The following REPS2 variants were observed in gnomAD, a reference collection of about 807,000 sequenced individuals.
REPS2 encodes ralBP1-associated Eps domain-containing protein 2.
A neutral mutation model predicts 53.6 loss-of-function variants in REPS2; 23 were observed. The observed-to-expected ratio is 0.43, with a 90% CI of 0.31 to 0.61. The LOEUF is 0.61. REPS2 is among the 20% of genes least tolerant of loss of function. The pLI is 0.11. For missense variants in REPS2, 446 were observed against 534.9 expected (o/e 0.83, Z 1.64); for synonymous variants, 238 against 218.6 (o/e 1.09, Z -0.78).
At chrX:16,961,774 GGAACTCCCA>G (rs1250476741) in intron 1 of REPS2, among the ~76,000 whole-genome samples, 1 of 111,859 alleles carries the variant, frequency 8.9e-6, no homozygotes, top group Non-Finnish European at 1.9e-5. Flanking sequence ...AAATATATAA[GGAACTCCCA>G]GAACTCAATG....
chrX:16,969,437 T>C (rs2060845471), intron 1 of REPS2, among the ~76,000 whole-genome samples: 1 of 109,501 alleles, frequency 9.1e-6, no homozygotes, highest in African/African-American at 3.4e-5. Context: ...CTGGGCACCA[T>C]TGAGCACTGA....
chrX:17,097,486 C>T (rs1300986654), intron 13 of REPS2, among the ~76,000 whole-genome samples: 1 of 111,819 alleles, frequency 8.9e-6, no homozygotes, highest in East Asian at 2.8e-4. Flanking sequence ...TAAATGCTTA[C>T]ATTAGAAAAT....
At chrX:17,124,309 A>T (rs980207870) in intron 14 of REPS2, among the ~76,000 whole-genome samples, 6 of 112,425 alleles carry the variant, frequency 5.3e-5, no homozygotes, top group Admixed American at 4.7e-4. Context: ...CATGCAGCTT[A>T]GGTATCAAGA....
intron 2 of REPS2, among the ~76,000 whole-genome samples, chrX:17,014,659 A>G (rs768845276): frequency 3.6e-5 from 4 of 111,669 alleles, no homozygotes; most frequent in Admixed American, 1.9e-4. Context: ...TTGTTAACGT[A>G]TAAGTAGCTG....
chrX:17,072,391 G>A (rs1347203778), intron 11 of REPS2, among the ~76,000 whole-genome samples: 2 of 111,323 alleles, frequency 1.8e-5, no homozygotes, highest in South Asian at 7.5e-4. Flanking sequence ...TTAGTGTCAT[G>A]GCCAGGAGGA....
At chrX:17,126,552 G>A (rs779295249) in intron 14 of REPS2, among the ~76,000 whole-genome samples, 36 of 112,164 alleles carry the variant, frequency 3.2e-4, no homozygotes, top group African/African-American at 9.4e-4. Context: ...GCAAAGGCAA[G>A]TGACTTCCTT....
chrX:16,954,354 C>T (rs756521333), intron 1 of REPS2, among the ~76,000 whole-genome samples: 13 of 112,199 alleles, frequency 1.2e-4, no homozygotes, highest in Non-Finnish European at 2.1e-4. Flanking sequence ...GGCCCAACAA[C>T]TGTCAATGCA....
At chrX:17,125,009 G>A (rs2063190181) in intron 14 of REPS2, among the ~76,000 whole-genome samples, 2 of 109,299 alleles carry the variant, frequency 1.8e-5, no homozygotes, top group Admixed American at 2.0e-4. Flanking sequence ...GATTACAGGA[G>A]CGTGTCACTA....
At chrX:17,128,809 T>C (rs1040981933) in intron 14 of REPS2, among the ~76,000 whole-genome samples, 3 of 112,241 alleles carry the variant, frequency 2.7e-5, no homozygotes, top group African/African-American at 9.7e-5. Flanking sequence ...AGGATTTTCA[T>C]TGCAAAATTA....
chrX:17,081,856 T>G (rs1262928318), intron 13 of REPS2, among the ~76,000 whole-genome samples: 2 of 112,253 alleles, frequency 1.8e-5, no homozygotes, highest in East Asian at 5.6e-4. Flanking sequence ...AATGCAAGTA[T>G]GCAAAACCTA....
chrX:17,058,662 G>T (rs909002871), intron 8 of REPS2, among the ~76,000 whole-genome samples: 12 of 111,187 alleles, frequency 1.1e-4, no homozygotes, highest in Admixed American at 9.6e-4. Context: ...GAGACTGTCA[G>T]CATGCATTTA....
chrX:16,946,888 G>GGCGGCA lies in REPS2; in HGVS notation c.45_50dup (p.Ala16_Ala17dup), dbSNP rs1339902710. On this transcript the variant is annotated inframe_insertion, in exon 1 of 18. Transcript: ENST00000357277. ...TGGAGGCGGCAGCGGCGGCGGCGGC[G>GGCGGCA]GCGGCAGCGGCAGCGGCAGCGGCGG... The GGCGGCA allele has an allele frequency of 2.2e-4, 173 of 769,631 alleles. No individual in the cohort carries two copies. The highest frequency in any genetic ancestry group is 1.4e-3 in the African/African-American group (60 of 42,040). 63.4% of individuals were successfully genotyped at this position (769,631 alleles called of 1,213,427 possible).
intron 14 of REPS2, among the ~76,000 whole-genome samples, chrX:17,112,715 C>T (rs189048105): frequency 8.8e-4 from 98 of 110,870 alleles, no homozygotes; most frequent in Non-Finnish European, 4.0e-4. Flanking sequence ...TAGCAGTACT[C>T]GGCGGGAAAG....
chrX:16,956,784 A>C (rs2060603371), intron 1 of REPS2, among the ~76,000 whole-genome samples: 1 of 112,543 alleles, frequency 8.9e-6, no homozygotes, highest in Admixed American at 9.4e-5. Context: ...CTCTGGAGCC[A>C]GTGCCAGCTG....
At chrX:17,166,041 A>G in the REPS2 span, among the ~76,000 whole-genome samples, 16,964 of 111,009 alleles carry the variant, frequency 0.15, 981 homozygotes, top group Admixed American at 0.19. Context: ...ATTATACATA[A>G]TTTTTATGTT....
chrX:17,078,359 C>A (rs1205862565), intron 13 of REPS2, among the ~76,000 whole-genome samples: 4 of 112,312 alleles, frequency 3.6e-5, no homozygotes. Context: ...TGTGTCTGGG[C>A]AGAGCTCAGC....
At chrX:17,121,335 G>A (rs1189358298) in intron 14 of REPS2, among the ~76,000 whole-genome samples, 1 of 112,239 alleles carries the variant, frequency 8.9e-6, no homozygotes, top group African/African-American at 3.2e-5. Context: ...CGGGGTGGGG[G>A]AAAGCCCCAA....
intron 1 of REPS2, among the ~76,000 whole-genome samples, chrX:16,999,518 C>T (rs758159815): frequency 9.1e-6 from 1 of 109,928 alleles, no homozygotes; most frequent in Admixed American, 9.7e-5. Flanking sequence ...GGGCCATAAC[C>T]TATGCCAATA....
intron 2 of REPS2, among the ~76,000 whole-genome samples, chrX:17,018,441 A>G (rs370756137): frequency 3.2e-4 from 35 of 110,298 alleles, no homozygotes; most frequent in African/African-American, 1.1e-3. Context: ...TGCCCACCTC[A>G]GCCTCCCAAA....
Sources: gnomAD v4.1 joint callset for allele counts (sites outside exome capture counted in the v4.1 genomes callset) on GRCh38, gnomAD v4.1.1 for gene constraint, MANE v1.5 for transcripts, NCBI Gene and HGNC (gene_info 2026-07-23, HGNC 2026-07-21) for gene names.